Variants in A2M observed in about 807,000 individuals in gnomAD.
A2M encodes alpha-2-macroglobulin, also known as C3 and PZP-like alpha-2-macroglobulin domain-containing protein 5.
A neutral mutation model predicts 183.9 loss-of-function variants in A2M; 128 were observed. The observed-to-expected ratio is 0.70, with a 90% CI of 0.60 to 0.81. The LOEUF (loss-of-function observed/expected upper bound fraction) is 0.81, where lower values mean the gene tolerates loss of function less well. Among genes scored for constraint, A2M ranks in the 30% least tolerant of loss-of-function variants. The probability of loss-of-function intolerance (pLI) is 0.00; values close to 1 mark genes in which losing one functional copy is unlikely to be tolerated. For missense variants in A2M, 1,495 were observed against 1,787.6 expected (o/e 0.84, Z 2.95); for synonymous variants, 592 against 670.8 (o/e 0.88, Z 1.81).
intron 29 of A2M, among the ~76,000 whole-genome samples, chr12:9,074,184 G>A (rs922164341): frequency 6.6e-6 from 1 of 151,958 alleles, no homozygotes; most frequent in Non-Finnish European, 1.5e-5. Flanking sequence ...AGAGATTTGC[G>A]AGGAGAGGTT....
Position 9,079,295 on chromosome 12 carries a change from C to T in A2M, c.3068G>A (p.Gly1023Asp), listed in dbSNP as rs768321630. 6.2e-7 allele frequency: 1 copy of T among 1,613,538 alleles called. No homozygotes were observed. The highest frequency in any genetic ancestry group is 2.2e-5 in the East Asian group (1 of 44,854). Residue 1023 changes from glycine (G) to aspartate (D), a missense_variant, in exon 25 of 36, where the codon GGC (glycine) becomes GAC (aspartate). Coordinates refer to ENST00000318602, the MANE Select transcript of A2M (RefSeq NM_000014.6). ...TCGCTCCCCAAAGGTGCTGTAGGAG[C>T]CATCATAGTGTTTGTAGTTCAACTG... ...QRQLNYKHYD[G>D]SYSTFGERYG...
chr12:9,085,974 AATG>A (rs1476108329), intron 22 of A2M, among the ~76,000 whole-genome samples: 9 of 152,208 alleles, frequency 5.9e-5, no homozygotes, highest in Admixed American at 5.9e-4. Flanking sequence ...ACTGACAAAT[AATG>A]AGTAAAGAGA....
Position 9,067,772 on chromosome 12 carries a change from TG to T in A2M, c.*50del. On this transcript the variant is annotated 3_prime_UTR_variant, in exon 36 of 36. Coordinates refer to ENST00000318602, the MANE Select transcript of A2M (RefSeq NM_000014.6). ...AAGATACAAAAACACGTGTCTTCTG[TG>T]GAGCTCTGAGAACAGGACTCCAGCA... 6.3e-7 allele frequency: 1 copy of T among 1,586,598 alleles called. No individual in the cohort carries two copies.
Position 9,101,179 on chromosome 12 carries a change from G to T in A2M, c.1523C>A (p.Thr508Asn). The T allele has an allele frequency of 6.4e-7, 1 of 1,561,732 alleles. No individual in the cohort carries two copies. The highest frequency in any genetic ancestry group is 8.7e-7 in the Non-Finnish European group (1 of 1,152,078). The change falls in exon 13 of 36, where the codon ACT becomes AAT. Residue 508 changes from threonine (T) to asparagine (N), a missense_variant. Coordinates refer to ENST00000318602, the MANE Select transcript of A2M (RefSeq NM_000014.6). ...LIMAKGGIVR[T>N]GTHGLLVKQE... ...CTTCACAAGCAGTCCATGAGTCCCA[G>T]TTCGGACAATGCCTCCCTTTGCCAT...
At chr12:9,086,339 G>A (rs1949051670) in intron 22 of A2M, among the ~76,000 whole-genome samples, 1 of 152,054 alleles carries the variant, frequency 6.6e-6, no homozygotes, top group Non-Finnish European at 1.5e-5. Flanking sequence ...TCCAGCCTGG[G>A]GAACACAGCA....
chr12:9,098,948 C>T (rs755757718), intron 14 of A2M, among the ~76,000 whole-genome samples, 192 bp from the exon 15 acceptor site: 1 of 152,288 alleles, frequency 6.6e-6, no homozygotes, highest in South Asian at 2.1e-4. Flanking sequence ...TCACTTGAGC[C>T]AGTAGAATTA....
At chr12:9,069,625 T>A in intron 33 of A2M, 120 bp downstream of exon 33, 2 of 676,050 alleles carry the variant, frequency 3.0e-6, no homozygotes, top group South Asian at 5.3e-5. Context: ...AGAGTTAACA[T>A]TAGAATTCTC....
In A2M at chr12:9,093,528, GGCTCTTCA is replaced by G; in HGVS notation, c.2169_2176del (p.Glu724SerfsTer11). ...GTACTTTCGTACGGTCTCCGTGTGAGGCTCTTCAACATGCACCAGGCGTGCATGGCCTC... is the reference window on the plus strand; with the variant it reads ...GTACTTTCGTACGGTCTCCGTGTGAGACATGCACCAGGCGTGCATGGCCTC... On this transcript the variant is annotated frameshift_variant, in exon 18 of 36. Transcript: ENST00000318602. LOFTEE classifies it high-confidence loss of function. 6.2e-7 allele frequency: 1 copy of G among 1,613,380 alleles called. No homozygotes were observed. The highest frequency in any genetic ancestry group is 8.5e-7 in the Non-Finnish European group (1 of 1,179,630).
At chr12:9,115,955 C>A, upstream of A2M, 1 of 900,528 alleles carries the variant, frequency 1.1e-6, no homozygotes, top group Non-Finnish European at 1.8e-6. Context: ...TTATGCTGCT[C>A]TGTGTGCAAA....
chr12:9,094,838 C>T (rs1189808489), intron 17 of A2M, 135 bp downstream of exon 17: 3 of 424,682 alleles, frequency 7.1e-6, no homozygotes, highest in East Asian at 7.3e-5. Flanking sequence ...TACTATATGA[C>T]CTTGAGCAAT....
intron 19 of A2M, 49 bp from the exon 20 acceptor site, chr12:9,090,531 G>A (rs1949179964): frequency 6.3e-7 from 1 of 1,595,166 alleles, no homozygotes; most frequent in African/African-American, 1.3e-5. Context: ...AGAACAGAGG[G>A]AGAATGGGTT....
intron 1 of A2M, 40 bp downstream of exon 1, chr12:9,115,724 A>C: frequency 6.8e-7 from 1 of 1,473,052 alleles, no homozygotes; most frequent in Non-Finnish European, 9.5e-7. Flanking sequence ...TAAATGAAGG[A>C]CTCTAGGTTC....
chr12:9,072,484 T>C lies in A2M; in HGVS notation c.3978A>G (p.Thr1326=), dbSNP rs760544703. 1.9e-6 allele frequency: 3 copies of C among 1,611,358 alleles called. No individual in the cohort carries two copies. The highest frequency in any genetic ancestry group is 2.5e-6 in the Non-Finnish European group (3 of 1,179,220). ...VTGEGCVYLQ[T]SLKYNILPEK... is the part of the protein sequence containing the mutation. ...CTGGGAGAATATTGTATTTCAAGGA[T>C]GTCTATAGAACATCAAAGACAAAAT... The change falls in exon 31 of 36, where the codon ACA becomes ACG. Residue 1326 remains threonine (T), a splice_region_variant and synonymous_variant. Coordinates refer to ENST00000318602, the MANE Select transcript of A2M (RefSeq NM_000014.6).
intron 22 of A2M, among the ~76,000 whole-genome samples, chr12:9,087,897 C>T (rs1441192358): frequency 6.6e-6 from 1 of 152,036 alleles, no homozygotes; most frequent in Non-Finnish European, 1.5e-5. Flanking sequence ...TGCATATGTT[C>T]ATTAAGAGGC....
At chr12:9,110,564 G>C (rs1238799629) in intron 4 of A2M, among the ~76,000 whole-genome samples, 3 of 151,660 alleles carry the variant, frequency 2.0e-5, no homozygotes, top group African/African-American at 7.3e-5. Flanking sequence ...TGCAATGCAT[G>C]ATAATAATCA....
At position 9,113,191 on chromosome 12, in the gene A2M, A is replaced by G. The variant is rs189933878; in HGVS notation, c.270+169T>C. Among the ~76,000 whole-genome samples, 233 of 148,994 alleles carry G rather than the reference A, an allele frequency of 1.6e-3. 1 individual carries two copies. The highest frequency in any genetic ancestry group is 5.5e-3 in the African/African-American group (222 of 40,342). On this transcript the variant is annotated intron_variant, in intron 2 of 35. Coordinates refer to ENST00000318602, the MANE Select transcript of A2M (RefSeq NM_000014.6). ...GTTTGCCTGTAAATATTTGTCTCCC[A>G]TGGCTGGAGAGTCATGCATTGCTCC...
chr12:9,110,330 G>GTATACT lies in A2M; in HGVS notation c.487_488insAGTATA (p.Pro163delinsGlnTyrThr). The GTATACT allele has an allele frequency of 6.9e-7, 1 of 1,440,634 alleles. No homozygotes were observed. Among genetic ancestry groups the GTATACT allele is most frequent in the Non-Finnish European group, 9.3e-7 (1 of 1,073,716 alleles). The allele number at this position is 1,440,634 out of a possible 1,614,324, so 89.2% of individuals were successfully genotyped here. A position where few individuals can be genotyped will look rare whatever the true frequency, so the allele number is the denominator to read the frequency against. ...GTTGCTTACCTGAATGTATACTAGTGGAATCTGAAAGACAAAAGAAAAAAG... is the reference window on the plus strand; with the variant it reads ...GTTGCTTACCTGAATGTATACTAGTGTATACTGAATCTGAAAGACAAAAGAAAAAAG... On this transcript the variant is annotated protein_altering_variant, in exon 5 of 36. Coordinates refer to ENST00000318602, the MANE Select transcript of A2M (RefSeq NM_000014.6).
chr12:9,098,870 G>T (rs1006793843), intron 14 of A2M, 114 bp from the exon 15 acceptor site: 1 of 1,195,496 alleles, frequency 8.4e-7, no homozygotes, highest in Non-Finnish European at 1.2e-6. Context: ...GCTTGACTTC[G>T]TGGAGGGTTG....
chr12:9,076,622 T>C, intron 28 of A2M, 134 bp downstream of exon 28: 1 of 754,572 alleles, frequency 1.3e-6, no homozygotes, highest in South Asian at 2.5e-5. Flanking sequence ...AGATGCAATA[T>C]GGACAAAATA....
Sources: gnomAD v4.1 joint callset for allele counts (sites outside exome capture counted in the v4.1 genomes callset) on GRCh38, gnomAD v4.1.1 for gene constraint, MANE v1.5 for transcripts, NCBI Gene and HGNC (gene_info 2026-07-23, HGNC 2026-07-21) for gene names.